ANXA10: variants seen among roughly 807,000 people sequenced by gnomAD.
ANXA10 encodes annexin A10.
ANXA10 carries 49 observed loss-of-function variants against 53.5 expected under a neutral mutation model. That is an observed-to-expected ratio of 0.92 (90% confidence interval 0.73 to 1.16). The LOEUF (loss-of-function observed/expected upper bound fraction) is 1.16. ANXA10 is among the 50% of genes most tolerant of loss of function. The pLI is 0.00. For synonymous variants in ANXA10, 131 were observed against 128.9 expected (o/e 1.02, Z -0.11); for missense variants, 393 against 394.4 (o/e 1.00, Z 0.03).
At chr4:168,117,895 C>T (rs1730918711) in intron 1 of ANXA10, among the ~76,000 whole-genome samples, 1 of 150,464 alleles carries the variant, frequency 6.6e-6, no homozygotes, top group South Asian at 2.1e-4. Flanking sequence ...AGGGTGCACT[C>T]ATACAATACT....
chr4:168,140,254 A>G (rs17053691), intron 3 of ANXA10, among the ~76,000 whole-genome samples: 3,401 of 152,300 alleles, frequency 0.022, 131 homozygotes, highest in African/African-American at 0.077. Flanking sequence ...AACAACAATT[A>G]CTTCATCAGC....
At chr4:168,164,070 C>T (rs1270094549) in intron 4 of ANXA10, 128 bp from the exon 5 acceptor site, 2 of 677,932 alleles carry the variant, frequency 3.0e-6, no homozygotes, top group Non-Finnish European at 5.0e-6. Flanking sequence ...TGCCTTCATC[C>T]TAAACCACTT....
At chr4:168,171,178 T>C (rs1731978697) in intron 6 of ANXA10, among the ~76,000 whole-genome samples, 1 of 152,200 alleles carries the variant, frequency 6.6e-6, no homozygotes, top group African/African-American at 2.4e-5. Flanking sequence ...TCAAGATATT[T>C]TACAAAAAGA....
chr4:168,138,002 C>T (rs1731266369), intron 2 of ANXA10, among the ~76,000 whole-genome samples: 1 of 149,888 alleles, frequency 6.7e-6, no homozygotes, highest in Admixed American at 6.7e-5. Context: ...TACTCTGTTG[C>T]CCAGGCTGGA....
At chr4:168,155,843 A>AATATAAT (rs1553957611) in intron 3 of ANXA10, among the ~76,000 whole-genome samples, 4 of 16,726 alleles carry the variant, frequency 2.4e-4, no homozygotes, top group African/African-American at 1.1e-3. Context: ...TATCATATAT[A>AATATAAT]ATATAATATA....
chr4:168,096,974 T>A (rs1730559935), intron 1 of ANXA10, among the ~76,000 whole-genome samples: 1 of 122,012 alleles, frequency 8.2e-6, no homozygotes, highest in South Asian at 2.6e-4. Context: ...TATATGTATG[T>A]GTATATATAC....
intron 1 of ANXA10, among the ~76,000 whole-genome samples, chr4:168,100,813 A>G (rs1487653590): frequency 6.6e-6 from 1 of 152,104 alleles, no homozygotes; most frequent in Non-Finnish European, 1.5e-5. Context: ...AAAAGTTGTC[A>G]AAATAATTCA....
intron 1 of ANXA10, among the ~76,000 whole-genome samples, chr4:168,112,247 G>C (rs1361803870): frequency 1.3e-5 from 2 of 152,154 alleles, no homozygotes; most frequent in African/African-American, 4.8e-5. Flanking sequence ...AGTGAGCCGA[G>C]ATCGTACCAC....
chr4:168,122,830 G>A (rs1029116674), intron 1 of ANXA10, among the ~76,000 whole-genome samples: 3 of 152,098 alleles, frequency 2.0e-5, no homozygotes, highest in African/African-American at 7.2e-5. Flanking sequence ...CCTCCCATTA[G>A]GCCCCACCTC....
intron 1 of ANXA10, among the ~76,000 whole-genome samples, chr4:168,105,590 G>A (rs1251100247): frequency 1.3e-5 from 2 of 152,006 alleles, no homozygotes; most frequent in Non-Finnish European, 2.9e-5. Flanking sequence ...ACATGCATTT[G>A]TCTTTATGGT....
intron 2 of ANXA10, among the ~76,000 whole-genome samples, chr4:168,131,688 A>T (rs1007530295): frequency 3.9e-5 from 6 of 151,976 alleles, no homozygotes; most frequent in African/African-American, 1.2e-4. Context: ...TGGCACATAC[A>T]TATTAAGGTT....
chr4:168,113,865 C>T (rs1283881201), intron 1 of ANXA10, among the ~76,000 whole-genome samples: 2 of 152,128 alleles, frequency 1.3e-5, no homozygotes, highest in Non-Finnish European at 2.9e-5. Flanking sequence ...ATTCAGCTTT[C>T]ATTTGGTTGG....
chr4:168,153,421 G>GAAAAAAAAAAAAAAAAAAAAA (rs1731530572), intron 3 of ANXA10, among the ~76,000 whole-genome samples: 1 of 15,760 alleles, frequency 6.3e-5, no homozygotes, highest in Non-Finnish European at 1.2e-4. Context: ...AAAGCCTAAA[G>GAAAAAAAAAAAAAAAAAAAAA]CAAAAAAAAA....
chr4:168,176,441 A>C (rs1732129029), intron 6 of ANXA10, among the ~76,000 whole-genome samples: 1 of 152,114 alleles, frequency 6.6e-6, no homozygotes, highest in Non-Finnish European at 1.5e-5. Context: ...TCTCCCACAT[A>C]GTTCAAATCA....
At chr4:168,132,486 C>T (rs752849447) in intron 2 of ANXA10, among the ~76,000 whole-genome samples, 1 of 151,816 alleles carries the variant, frequency 6.6e-6, no homozygotes, top group Non-Finnish European at 1.5e-5. Flanking sequence ...TGAAGGGTAG[C>T]GGAGGGCTGC....
At chr4:168,167,889 C>A (rs1335813070) in intron 6 of ANXA10, among the ~76,000 whole-genome samples, 1 of 152,078 alleles carries the variant, frequency 6.6e-6, no homozygotes, top group East Asian at 1.9e-4. Context: ...CATAACAAAC[C>A]CTTACTTTTC....
intron 1 of ANXA10, among the ~76,000 whole-genome samples, chr4:168,117,913 T>A: frequency 7.0e-6 from 1 of 143,080 alleles, no homozygotes; most frequent in South Asian, 2.2e-4. Context: ...ACTCACTCAC[T>A]CACTCACTCA....
At chr4:168,176,719 G>A (rs1732135502) in intron 6 of ANXA10, among the ~76,000 whole-genome samples, 1 of 152,100 alleles carries the variant, frequency 6.6e-6, no homozygotes, top group Admixed American at 6.6e-5. Context: ...AAGATGACAG[G>A]ACTAGGCACA....
In ANXA10 at chr4:168,175,194, G is replaced by A. The variant is rs79390870; in HGVS notation, c.481-2546G>A. On this transcript the variant is annotated intron_variant, in intron 6 of 11. Coordinates refer to ENST00000359299, the MANE Select transcript of ANXA10 (RefSeq NM_007193.5). ...TGCAGGATCCTGGAAGCCAAGTGAT[G>A]AAAGTATAGCAAGAAGAAGAGAGTG... 5.6e-3 allele frequency among the ~76,000 whole-genome samples: 857 copies of A among 152,234 alleles called. 31 individuals are homozygous for A. The East Asian group carries it at 0.091, about 16-fold the overall frequency.
Sources: allele counts gnomAD v4.1 joint callset (sites outside exome capture counted in the v4.1 genomes callset), GRCh38; gene constraint gnomAD v4.1.1; transcripts MANE v1.5; gene names NCBI Gene and HGNC (gene_info 2026-07-23, HGNC 2026-07-21).